CCSER1: variants seen among roughly 807,000 people sequenced by gnomAD.
CCSER1 encodes coiled-coil serine rich protein 1, also known as serine-rich coiled-coil domain-containing protein 1.
A neutral mutation model predicts 82.0 loss-of-function variants in CCSER1; 41 were observed. That is an observed-to-expected ratio of 0.50 (90% CI 0.39 to 0.65). The LOEUF (loss-of-function observed/expected upper bound fraction) is 0.65. Ranked by LOEUF, CCSER1 falls within the 30% of genes least tolerant of loss-of-function variation. The pLI is 0.00. For synonymous variants in CCSER1, 414 were observed against 383.9 expected, an observed-to-expected ratio of 1.08 and a Z score of -0.92; for missense variants, 1,119 against 1,064.2, an observed-to-expected ratio of 1.05 and a Z score of -0.72.
At chr4:90,851,935 T>A (rs1763940505) in intron 8 of CCSER1, among the ~76,000 whole-genome samples, 1 of 152,216 alleles carries the variant, frequency 6.6e-6, no homozygotes, top group Non-Finnish European at 1.5e-5. Flanking sequence ...AATCTTAATT[T>A]TGACCTTTAA....
chr4:90,899,189 GTATTT>G (rs1425261395), intron 8 of CCSER1, among the ~76,000 whole-genome samples: 1 of 151,852 alleles, frequency 6.6e-6, no homozygotes, highest in Non-Finnish European at 1.5e-5. Flanking sequence ...ATATTTTTAG[GTATTT>G]TATTTTATTT....
chr4:91,576,794 G>A (rs1382955619), intron 10 of CCSER1, among the ~76,000 whole-genome samples: 1 of 151,852 alleles, frequency 6.6e-6, no homozygotes. Context: ...CACCACATCA[G>A]TGCTCAAAAA....
intron 10 of CCSER1, among the ~76,000 whole-genome samples, chr4:91,216,445 G>A (rs181262362): frequency 8.7e-4 from 133 of 152,066 alleles, no homozygotes; most frequent in South Asian, 4.0e-3. Context: ...TCAGCCTCCC[G>A]AATAGCTGGG....
intron 1 of CCSER1, among the ~76,000 whole-genome samples, chr4:90,236,021 A>G (rs1023246796): frequency 3.3e-5 from 5 of 152,260 alleles, no homozygotes; most frequent in Middle Eastern, 3.4e-3. Flanking sequence ...GGCTTACTGC[A>G]GCCTTGACCT....
At chr4:91,028,890 T>G (rs1740725737) in intron 9 of CCSER1, among the ~76,000 whole-genome samples, 1 of 151,298 alleles carries the variant, frequency 6.6e-6, no homozygotes, top group African/African-American at 2.4e-5. Flanking sequence ...TAATACATAT[T>G]AATACTTTGT....
chr4:91,339,743 C>T (rs1747577943), intron 10 of CCSER1, among the ~76,000 whole-genome samples: 2 of 152,074 alleles, frequency 1.3e-5, no homozygotes, highest in Admixed American at 6.6e-5. Context: ...ATTCCAAGAC[C>T]CCCAGTAGAT....
At chr4:91,230,660 G>A (rs541328589) in intron 10 of CCSER1, among the ~76,000 whole-genome samples, 4 of 151,760 alleles carry the variant, frequency 2.6e-5, no homozygotes, top group Admixed American at 6.6e-5. Flanking sequence ...AGGAAAGCAA[G>A]CACAGCCCAT....
At chr4:90,154,782 G>A (rs1232059366) in intron 1 of CCSER1, among the ~76,000 whole-genome samples, 1 of 149,280 alleles carries the variant, frequency 6.7e-6, no homozygotes, top group African/African-American at 2.5e-5. Context: ...ATTTTGGGCT[G>A]AGACAATGGG....
chr4:90,843,567 G>T (rs1025880909), intron 8 of CCSER1, among the ~76,000 whole-genome samples: 3 of 151,966 alleles, frequency 2.0e-5, no homozygotes, highest in Non-Finnish European at 4.4e-5. Context: ...TTTTCTAGAG[G>T]ATTATATTTT....
intron 6 of CCSER1, among the ~76,000 whole-genome samples, chr4:90,630,747 A>T (rs894999224): frequency 2.6e-5 from 4 of 151,870 alleles, no homozygotes; most frequent in African/African-American, 9.7e-5. Flanking sequence ...TTCCCATTTC[A>T]TTACTAAATT....
chr4:90,612,174 A>G (rs1365751192), intron 5 of CCSER1, among the ~76,000 whole-genome samples: 1 of 152,288 alleles, frequency 6.6e-6, no homozygotes, highest in East Asian at 1.9e-4. Context: ...ATTTAGTTCC[A>G]CATGAAGTTT....
At chr4:91,495,112 A>G (rs1263754142) in intron 10 of CCSER1, among the ~76,000 whole-genome samples, 1 of 151,664 alleles carries the variant, frequency 6.6e-6, no homozygotes, top group Non-Finnish European at 1.5e-5. Context: ...AAGAAAAAAT[A>G]TTTTAACTTG....
chr4:90,355,852 T>C (rs1200308622), intron 3 of CCSER1, among the ~76,000 whole-genome samples: 1 of 152,012 alleles, frequency 6.6e-6, no homozygotes, highest in Non-Finnish European at 1.5e-5. Flanking sequence ...AAGGACTTTA[T>C]GGCTGCCAAA....
At position 91,297,369 on chromosome 4, in the gene CCSER1, GTGTGTGTGTGTGTGTA is replaced by G. The variant is rs771566786; in HGVS notation, c.2217+211391_2217+211406del. ...TCACCTGAGGAGAATGGATGCTTGT[GTGTGTGTGTGTGTGTA>G]TGTGTGTGTGTGTGTGTGTGTGTGT... On this transcript the variant is annotated intron_variant, in intron 10 of 10. Coordinates refer to ENST00000509176, the MANE Select transcript of CCSER1 (RefSeq NM_001145065.2). 8.5e-3 allele frequency among the ~76,000 whole-genome samples: 849 copies of G among 99,580 alleles called. 4 individuals carry two copies. The highest frequency in any genetic ancestry group is 0.011 in the Non-Finnish European group (536 of 47,714). 65.3% of individuals were successfully genotyped at this position (99,580 alleles called of 152,430 possible).
intron 10 of CCSER1, among the ~76,000 whole-genome samples, chr4:91,401,810 T>G (rs1259808261): frequency 6.6e-6 from 1 of 152,210 alleles, no homozygotes; most frequent in African/African-American, 2.4e-5. Context: ...TGATGGACAT[T>G]TGGGTTGGTT....
intron 7 of CCSER1, among the ~76,000 whole-genome samples, chr4:90,804,847 C>T (rs1757302251): frequency 6.6e-6 from 1 of 152,102 alleles, no homozygotes; most frequent in African/African-American, 2.4e-5. Flanking sequence ...AATAGAAGTA[C>T]AGGAATGAAA....
chr4:91,384,752 G>A (rs900040909), intron 10 of CCSER1, among the ~76,000 whole-genome samples: 1 of 152,082 alleles, frequency 6.6e-6, no homozygotes, highest in African/African-American at 2.4e-5. Context: ...ATGACAAAGT[G>A]CACCGTAGGC....
intron 5 of CCSER1, among the ~76,000 whole-genome samples, chr4:90,540,509 C>G (rs1775974179): frequency 6.6e-6 from 1 of 152,066 alleles, no homozygotes; most frequent in South Asian, 2.1e-4. Flanking sequence ...TATTTCAAAA[C>G]TGTAATAGAC....
intron 6 of CCSER1, among the ~76,000 whole-genome samples, chr4:90,685,341 G>A (rs1267149320): frequency 6.6e-6 from 1 of 152,034 alleles, no homozygotes. Flanking sequence ...TGGAATCAAG[G>A]AAATTTTCCT....
Sources: allele counts gnomAD v4.1 joint callset (sites outside exome capture counted in the v4.1 genomes callset), GRCh38; gene constraint gnomAD v4.1.1; transcripts MANE v1.5; gene names NCBI Gene and HGNC (gene_info 2026-07-23, HGNC 2026-07-21).